The following SCUBE2 variants were observed in gnomAD, a reference collection of about 807,000 sequenced individuals.
SCUBE2 encodes the protein signal peptide, CUB and EGF-like domain-containing protein 2.
SCUBE2 carries 114 observed loss-of-function variants against 125.9 expected under a neutral mutation model. The observed-to-expected ratio is 0.91, with a 90% CI of 0.78 to 1.06. The LOEUF is 1.06. Among genes scored for constraint, SCUBE2 ranks in the 50% least tolerant of loss-of-function variants. The pLI, the probability that SCUBE2 is intolerant of heterozygous loss-of-function variation, is 0.00. For missense variants in SCUBE2, 1,255 were observed against 1,301.8 expected, an observed-to-expected ratio of 0.96 and a Z score of 0.55; for synonymous variants, 459 against 492.9, an observed-to-expected ratio of 0.93 and a Z score of 0.91.
At chr11:9,021,288 G>T (rs76947206) in intron 22 of SCUBE2, 91 bp from the exon 23 acceptor site, 3 of 1,101,314 alleles carry the variant, frequency 2.7e-6, no homozygotes, top group Non-Finnish European at 3.6e-6. Flanking sequence ...GTATTAGGCC[G>T]TAGCTTGCTT....
At chr11:9,069,121 C>A (rs1156912618) in intron 5 of SCUBE2, among the ~76,000 whole-genome samples, 1 of 152,214 alleles carries the variant, frequency 6.6e-6, no homozygotes, top group East Asian at 1.9e-4. Context: ...TGCCCCCCAA[C>A]ATTCACACTC....
chr11:9,079,190 G>A (rs1371438425), intron 3 of SCUBE2, among the ~76,000 whole-genome samples, 194 bp downstream of exon 3: 1 of 152,208 alleles, frequency 6.6e-6, no homozygotes, highest in Non-Finnish European at 1.5e-5. Context: ...TGGACTAACA[G>A]AAGATTTATG....
chr11:9,070,352 T>C (rs1175008464), intron 4 of SCUBE2, among the ~76,000 whole-genome samples: 2 of 152,224 alleles, frequency 1.3e-5, no homozygotes, highest in African/African-American at 4.8e-5. Flanking sequence ...ACTGCCCGTG[T>C]GGTTTACCAG....
intron 2 of SCUBE2, among the ~76,000 whole-genome samples, chr11:9,081,204 T>C (rs1421377413): frequency 6.6e-6 from 1 of 152,210 alleles, no homozygotes; most frequent in African/African-American, 2.4e-5. Context: ...GTATCTTTTC[T>C]TTTCTTTCTG....
At position 9,030,934 on chromosome 11, in the gene SCUBE2, AC is replaced by A; in HGVS notation, c.2174-10del. ...ACCAGGTTGACACAGACCTGGAAGGACCAATAGCCTTACGTGAGCAAGGCCT... is the reference window on the plus strand; with the variant it reads ...ACCAGGTTGACACAGACCTGGAAGGACAATAGCCTTACGTGAGCAAGGCCT... On this transcript the variant is annotated splice_polypyrimidine_tract_variant and intron_variant, in intron 17 of 22. Coordinates refer to ENST00000649792, the MANE Select transcript of SCUBE2 (RefSeq NM_001367977.2). 5 of 1,610,614 alleles carry A rather than the reference AC, an allele frequency of 3.1e-6. No homozygotes were observed. Among genetic ancestry groups the A allele is most frequent in the Non-Finnish European group, 4.2e-6 (5 of 1,178,014 alleles).
At chr11:9,055,168 T>C (rs1858956612) in intron 10 of SCUBE2, among the ~76,000 whole-genome samples, 1 of 152,228 alleles carries the variant, frequency 6.6e-6, no homozygotes, top group South Asian at 2.1e-4. Flanking sequence ...GAACCTGTAT[T>C]CTCAAAGATT....
chr11:9,067,423 C>T (rs549283194), intron 5 of SCUBE2, among the ~76,000 whole-genome samples: 175 of 152,270 alleles, frequency 1.1e-3, no homozygotes, highest in Non-Finnish European at 2.0e-3. Flanking sequence ...AACTGCTAAC[C>T]GTGGTTACCT....
chr11:9,030,001 A>T lies in SCUBE2; in HGVS notation c.2386T>A (p.Cys796Ser), dbSNP rs1210153470. 1 of 1,614,210 alleles carries T rather than the reference A, an allele frequency of 6.2e-7. No homozygotes were observed. The highest frequency in any genetic ancestry group is 8.5e-7 in the Non-Finnish European group (1 of 1,180,034). Residue 796 changes from cysteine (C) to serine (S), a missense_variant, in exon 19 of 23, where the codon TGT becomes AGT. Coordinates refer to ENST00000649792, the MANE Select transcript of SCUBE2 (RefSeq NM_001367977.2). Reference protein sequence around the residue: ...GHFYNTTTHRCIRCPVGTYQP... With the variant: ...GHFYNTTTHRSIRCPVGTYQP... ...TATGTTCCCACTGGGCAACGAATAC[A>T]TCGGTGAGTGGTGGTGTTGTAGAAA... is the stretch of plus-strand genomic sequence containing the variant.
In SCUBE2 at chr11:9,047,803, T is replaced by C. The variant is rs183653123; in HGVS notation, c.1795+140A>G. ...ACCATCAGGTTCCAAACCAATTCAG[T>C]TTAGTTTCGGGGTGAAAAAAAACAG... is the stretch of plus-strand genomic sequence containing the variant. On this transcript the variant is annotated intron_variant, in intron 15 of 22. Coordinates refer to ENST00000649792, the MANE Select transcript of SCUBE2 (RefSeq NM_001367977.2). 6 of 1,097,368 alleles carry C rather than the reference T, an allele frequency of 5.5e-6. No individual in the cohort carries two copies. In the Admixed American group the frequency reaches 1.5e-4, roughly 27 times the overall value. 68.0% of individuals were successfully genotyped at this position (1,097,368 alleles called of 1,614,324 possible).
At chr11:9,072,365 C>T (rs1016597825) in intron 4 of SCUBE2, among the ~76,000 whole-genome samples, 7 of 152,172 alleles carry the variant, frequency 4.6e-5, no homozygotes, top group East Asian at 1.9e-4. Context: ...CCCACCACCA[C>T]GCCCGGCTAA....
intron 4 of SCUBE2, 39 bp from the exon 5 acceptor site, chr11:9,069,534 G>A (rs1860579966): frequency 6.2e-7 from 1 of 1,612,532 alleles, no homozygotes; most frequent in South Asian, 1.1e-5. Context: ...CTAGGCTGTG[G>A]TCAGAATCCT....
At position 9,033,689 on chromosome 11, in the gene SCUBE2, G is replaced by A. The variant is rs1197024804; in HGVS notation, c.2110C>T (p.Pro704Ser). 1.2e-6 allele frequency: 2 copies of A among 1,614,032 alleles called. No individual in the cohort carries two copies. Among genetic ancestry groups the A allele is most frequent in the South Asian group, 2.2e-5 (2 of 91,064 alleles). Residue 704 changes from proline to serine, a missense_variant, in exon 17 of 23, where the codon CCA (proline) becomes TCA (serine). This residue lies in a region of SCUBE2 where 515 missense variants were observed against 515.7 expected (regional missense o/e 1.00). Coordinates refer to ENST00000649792, the MANE Select transcript of SCUBE2 (RefSeq NM_001367977.2). The part of the protein sequence containing the change: ...EEGQMTCEPC[P>S]RPGNSGALKT... ...AGGGCCCCAGAATTTCCTGGTCTTG[G>A]GCATGGTTCACAAGTCATTTGTCCT...
chr11:9,046,757 C>G (rs1857819426), intron 16 of SCUBE2, among the ~76,000 whole-genome samples: 1 of 152,204 alleles, frequency 6.6e-6, no homozygotes, highest in Non-Finnish European at 1.5e-5. Flanking sequence ...AAAATCAAGA[C>G]TATCTGGAAA....
In SCUBE2 at chr11:9,050,589, A is replaced by G. The variant is rs1165016198; in HGVS notation, c.1639+17T>C. 6.2e-7 allele frequency: 1 copy of G among 1,604,094 alleles called. No individual in the cohort carries two copies. Among genetic ancestry groups the G allele is most frequent in the Admixed American group, 1.7e-5 (1 of 60,010 alleles). ...ACATGCAGGCAAGCTCCCTACACCA[A>G]CCACCTGATTCCATACCTGGTAGTG... On this transcript the variant is annotated intron_variant, in intron 14 of 22. Coordinates refer to ENST00000649792, the MANE Select transcript of SCUBE2 (RefSeq NM_001367977.2).
chr11:9,051,877 C>T (rs367741366), intron 13 of SCUBE2, among the ~76,000 whole-genome samples: 20 of 152,202 alleles, frequency 1.3e-4, no homozygotes, highest in South Asian at 1.0e-3. Context: ...AGGGATTTGG[C>T]GAAACAGACC....
Position 9,091,480 on chromosome 11 carries a change from GCA to G in SCUBE2, c.47_48del (p.Leu16ProfsTer32). On this transcript the variant is annotated frameshift_variant, in exon 1 of 23. Transcript: ENST00000649792. LOFTEE classifies it high-confidence loss of function. This position sits in a 1 kb window ranked among gnomAD's most constrained non-coding sequence, Gnocchi z 8.5. Reference sequence around the variant, plus strand: ...AGTGGCGGCAGCAGCAGCAGCAGCAGCAGCACCGCCCAGGCCGCCCCGGGACG... The same window carrying G: ...AGTGGCGGCAGCAGCAGCAGCAGCAGGCACCGCCCAGGCCGCCCCGGGACG... ...RNRPGAAWAV[L>X]LLLLLLPPLL... is the part of the protein sequence containing the mutation. 8.1e-7 allele frequency: 1 copy of G among 1,240,834 alleles called. No homozygotes were observed. Among genetic ancestry groups the G allele is most frequent in the Non-Finnish European group, 1.0e-6 (1 of 962,060 alleles). 76.9% of individuals were successfully genotyped at this position (1,240,834 alleles called of 1,614,324 possible). A position where few individuals can be genotyped will look rare whatever the true frequency, so the allele number is the denominator to read the frequency against.
At chr11:9,060,568 G>A (rs897818667) in intron 7 of SCUBE2, 44 bp from the exon 8 acceptor site, 7 of 1,514,294 alleles carry the variant, frequency 4.6e-6, no homozygotes, top group African/African-American at 1.4e-5. Flanking sequence ...CCAAAGAAGT[G>A]CTGATACAGC....
intron 2 of SCUBE2, among the ~76,000 whole-genome samples, chr11:9,088,486 A>G (rs1307553916): frequency 6.6e-6 from 1 of 152,238 alleles, no homozygotes; most frequent in Non-Finnish European, 1.5e-5. Context: ...GGGTAACAAG[A>G]GCAAAGCTCT....
chr11:9,027,262 G>A (rs1435273969), intron 20 of SCUBE2, 102 bp downstream of exon 20: 18 of 1,071,626 alleles, frequency 1.7e-5, no homozygotes, highest in Non-Finnish European at 2.4e-5. Context: ...CTCTAATATG[G>A]AGGTGACGTT....
Sources: allele counts gnomAD v4.1 joint callset (sites outside exome capture counted in the v4.1 genomes callset), GRCh38; gene constraint gnomAD v4.1.1; regional missense constraint gnomAD v4.1.1; non-coding constraint Gnocchi (gnomAD v3.1); transcripts MANE v1.5; gene names NCBI Gene and HGNC (gene_info 2026-07-23, HGNC 2026-07-21).